Variants in ZNF439 observed in about 807,000 individuals in gnomAD.
ZNF439 encodes the protein zinc finger protein 439.
ZNF439 carries 40 observed loss-of-function variants against 47.3 expected under a neutral mutation model. The observed-to-expected ratio is 0.85, with a 90% confidence interval of 0.66 to 1.10. The LOEUF is 1.10. ZNF439 is among the 50% of genes least tolerant of loss of function. The pLI is 0.00. For synonymous variants in ZNF439, 171 were observed against 198.8 expected (o/e 0.86, Z 1.18); for missense variants, 556 against 601.1 (o/e 0.93, Z 0.78).
At chr19:11,866,151 C>A (rs775618759) in intron 1 of ZNF439, 54 bp from the exon 2 acceptor site, 2 of 1,611,726 alleles carry the variant, frequency 1.2e-6, no homozygotes, top group Non-Finnish European at 8.5e-7. Flanking sequence ...AGAGTCTAGG[C>A]CCCCAATGCT....
rs1252506296 is a variant in ZNF439 at position 11,867,689 on chromosome 19, T to C, written c.635T>C (p.Val212Ala). The C allele has an allele frequency of 6.2e-7, 1 of 1,613,946 alleles. No individual in the cohort carries two copies. The highest frequency in any genetic ancestry group is 8.5e-7 in the Non-Finnish European group (1 of 1,179,908). Residue 212 changes from valine to alanine, a missense_variant, in exon 4 of 4, where the codon GTG (valine) becomes GCG (alanine). Val to Ala is a moderately conservative substitution (Grantham distance 64). Transcript: ENST00000682736. ...YHSSIQRHMV[V>A]HSGDGPYKCK... ...TCAAGCATTCAAAGACACATGGTAG[T>C]GCACAGTGGGGATGGACCTTATAAA...
intron 1 of ZNF439, 111 bp downstream of exon 1, chr19:11,849,041 C>T: frequency 1.6e-6 from 2 of 1,267,932 alleles, no homozygotes; most frequent in South Asian, 2.9e-5. Flanking sequence ...CCTCCTAGAG[C>T]TGCTCGGCCC....
chr19:11,864,153 G>A (rs773272543), intron 1 of ZNF439, among the ~76,000 whole-genome samples: 3 of 152,116 alleles, frequency 2.0e-5, no homozygotes, highest in African/African-American at 4.8e-5. Flanking sequence ...AATTGCAGAC[G>A]TGTGAAAAAT....
chr19:11,852,027 T>A (rs1976259904), intron 1 of ZNF439, among the ~76,000 whole-genome samples: 1 of 152,202 alleles, frequency 6.6e-6, no homozygotes, highest in African/African-American at 2.4e-5. Context: ...TATTTCCTTT[T>A]CAATTTAAAA....
At chr19:11,850,070 T>A (rs1031893138) in intron 1 of ZNF439, 3 of 152,102 alleles carry the variant, frequency 2.0e-5, no homozygotes, top group African/African-American at 7.2e-5. Context: ...GGAAGGTACT[T>A]TGTTTGTTTT....
chr19:11,852,441 C>G (rs1568253149), intron 1 of ZNF439, among the ~76,000 whole-genome samples: 1 of 152,176 alleles, frequency 6.6e-6, no homozygotes, highest in Non-Finnish European at 1.5e-5. Flanking sequence ...GACTCAACCC[C>G]ATGATCACAT....
At chr19:11,850,784 C>A (rs1976215118) in intron 1 of ZNF439, 1 of 152,238 alleles carries the variant, frequency 6.6e-6, no homozygotes, top group Non-Finnish European at 1.5e-5. Context: ...AATCCAAGCA[C>A]TTTGGGAGGC....
chr19:11,862,125 G>T (rs193107531), intron 1 of ZNF439, among the ~76,000 whole-genome samples: 1 of 151,998 alleles, frequency 6.6e-6, no homozygotes, highest in African/African-American at 2.4e-5. Context: ...TAGAGACAGG[G>T]TCACAAACTC....
chr19:11,866,450 G>A, intron 2 of ZNF439, 87 bp from the exon 3 acceptor site: 1 of 1,602,310 alleles, frequency 6.2e-7, no homozygotes, highest in Admixed American at 1.7e-5. Flanking sequence ...AATGAGGCAT[G>A]GCTGCTGTAA....
chr19:11,866,982 A>G (rs1976702461), intron 3 of ZNF439, among the ~76,000 whole-genome samples: 4 of 152,212 alleles, frequency 2.6e-5, no homozygotes, highest in Non-Finnish European at 5.9e-5. Flanking sequence ...AGGCTGTGGT[A>G]AGCTATGATG....
At chr19:11,865,210 G>A (rs975616182) in intron 1 of ZNF439, among the ~76,000 whole-genome samples, 2 of 152,128 alleles carry the variant, frequency 1.3e-5, no homozygotes, top group African/African-American at 2.4e-5. Flanking sequence ...CAGGAAGGTC[G>A]TATAGTGGTT....
At chr19:11,864,557 A>G (rs1388554114) in intron 1 of ZNF439, among the ~76,000 whole-genome samples, 2 of 152,148 alleles carry the variant, frequency 1.3e-5, no homozygotes, top group African/African-American at 4.8e-5. Flanking sequence ...TTGGCCTCCT[A>G]AAGTGCTGGG....
intron 2 of ZNF439, 84 bp downstream of exon 2, chr19:11,866,415 C>T (rs970565129): frequency 6.2e-7 from 1 of 1,605,594 alleles, no homozygotes; most frequent in Non-Finnish European, 8.5e-7. Context: ...ATTTGGAACA[C>T]AGACAGGAAA....
chr19:11,851,368 T>G (rs535529635), intron 1 of ZNF439, among the ~76,000 whole-genome samples: 1 of 152,316 alleles, frequency 6.6e-6, no homozygotes, highest in South Asian at 2.1e-4. Flanking sequence ...ATAATTACCT[T>G]GAAAGCACAT....
At chr19:11,857,664 G>T (rs1001629376) in intron 1 of ZNF439, 3 of 152,264 alleles carry the variant, frequency 2.0e-5, no homozygotes, top group Non-Finnish European at 4.4e-5. Context: ...TCTCCTTGCA[G>T]GGTTTGATAA....
intron 1 of ZNF439, chr19:11,849,321 A>G (rs1382583325): frequency 1.0e-5 from 10 of 992,994 alleles, no homozygotes; most frequent in Non-Finnish European, 1.1e-5. Context: ...GAGGTACGTT[A>G]ACAAAAAGTT....
chr19:11,855,977 A>G (rs282753), intron 1 of ZNF439: 26,464 of 152,204 alleles, frequency 0.17, 3,106 homozygotes, highest in African/African-American at 0.33. Flanking sequence ...TTCCCGTTCC[A>G]TGGTGGCACG....
At chr19:11,861,599 T>C (rs1352376754) in intron 1 of ZNF439, among the ~76,000 whole-genome samples, 1 of 152,194 alleles carries the variant, frequency 6.6e-6, no homozygotes, top group African/African-American at 2.4e-5. Flanking sequence ...GGTCAGCCAA[T>C]TGGATGTTGC....
At chr19:11,861,168 G>T (rs1249943107) in intron 1 of ZNF439, among the ~76,000 whole-genome samples, 1 of 152,186 alleles carries the variant, frequency 6.6e-6, no homozygotes, top group African/African-American at 2.4e-5. Context: ...TGAAATCTGT[G>T]TCTGAACATT....
Sources: gnomAD v4.1 joint callset for allele counts (sites outside exome capture counted in the v4.1 genomes callset) on GRCh38, gnomAD v4.1.1 for gene constraint, MANE v1.5 for transcripts, NCBI Gene and HGNC (gene_info 2026-07-23, HGNC 2026-07-21) for gene names.